ADD3: variants seen among roughly 807,000 people sequenced by gnomAD.
The protein encoded by ADD3 is adducin 3.
ADD3 carries 25 observed loss-of-function variants against 80.2 expected under a neutral mutation model. The observed-to-expected ratio is 0.31, with a 90% CI of 0.23 to 0.44. The LOEUF is 0.44. ADD3 is among the 20% of genes least tolerant of loss of function. The pLI is 1.00. For synonymous variants in ADD3, 284 were observed against 289.6 expected (o/e 0.98, Z 0.20); for missense variants, 829 against 847.5 (o/e 0.98, Z 0.27).
chr10:110,095,139 G>A (rs184827009), intron 1 of ADD3, among the ~76,000 whole-genome samples: 304 of 152,320 alleles, frequency 2.0e-3, no homozygotes, highest in Non-Finnish European at 3.4e-3. Flanking sequence ...CTCGCCCATT[G>A]TGAGGACTAC....
chr10:110,107,244 G>A (rs1849493631), intron 2 of ADD3, among the ~76,000 whole-genome samples: 3 of 152,132 alleles, frequency 2.0e-5, no homozygotes, highest in Admixed American at 2.0e-4. Context: ...ACAGTGAAGT[G>A]TAGAAGAGAA....
At chr10:110,041,780 A>T (rs1257953354) in intron 1 of ADD3, among the ~76,000 whole-genome samples, 1 of 152,232 alleles carries the variant, frequency 6.6e-6, no homozygotes, top group Non-Finnish European at 1.5e-5. Context: ...ACAAGAAGTT[A>T]CTTGCAATAG....
intron 1 of ADD3, among the ~76,000 whole-genome samples, chr10:110,014,166 G>A (rs935689523): frequency 3.9e-5 from 6 of 152,170 alleles, no homozygotes. Context: ...GCCTCCCCAG[G>A]GACTTCTAAG....
At chr10:110,079,459 AGAGT>A (rs1382286080) in intron 1 of ADD3, among the ~76,000 whole-genome samples, 5,188 of 111,536 alleles carry the variant, frequency 0.047, 89 homozygotes, top group East Asian at 0.15. Flanking sequence ...AGAGAGAGAG[AGAGT>A]GTGTGTGTGT....
At chr10:110,036,074 T>C (rs1422686734) in intron 1 of ADD3, among the ~76,000 whole-genome samples, 1 of 151,830 alleles carries the variant, frequency 6.6e-6, no homozygotes, top group African/African-American at 2.4e-5. Context: ...TCGCTTGAAC[T>C]CGGGAGGCGG....
chr10:110,039,822 G>T (rs1011864453), intron 1 of ADD3, among the ~76,000 whole-genome samples: 1 of 152,174 alleles, frequency 6.6e-6, no homozygotes, highest in African/African-American at 2.4e-5. Context: ...GCTCTTGGTT[G>T]TTAGCAATGC....
intron 1 of ADD3, among the ~76,000 whole-genome samples, chr10:110,077,681 CTG>C (rs1304114886): frequency 6.6e-6 from 1 of 152,152 alleles, no homozygotes; most frequent in Non-Finnish European, 1.5e-5. Flanking sequence ...TTCCGTGCTT[CTG>C]TGTTCTTTCT....
intron 1 of ADD3, among the ~76,000 whole-genome samples, chr10:110,015,711 A>C (rs1323945676): frequency 1.3e-5 from 2 of 151,820 alleles, no homozygotes; most frequent in African/African-American, 2.4e-5. Context: ...CATCAAATTT[A>C]TTTTCAGTTA....
chr10:110,000,580 T>C (rs1260918055), intron 1 of ADD3, among the ~76,000 whole-genome samples: 2 of 152,274 alleles, frequency 1.3e-5, no homozygotes, highest in Admixed American at 6.5e-5. Flanking sequence ...ATTTCTGTTA[T>C]GTTTATAAAC....
chr10:110,096,203 A>G (rs1260537211), intron 1 of ADD3, among the ~76,000 whole-genome samples: 1 of 152,196 alleles, frequency 6.6e-6, no homozygotes, highest in Non-Finnish European at 1.5e-5. Context: ...TCAGCATTCT[A>G]CCTAGAAATC....
intron 1 of ADD3, among the ~76,000 whole-genome samples, chr10:110,020,296 T>C (rs1172442341): frequency 6.6e-6 from 1 of 152,162 alleles, no homozygotes; most frequent in Non-Finnish European, 1.5e-5. Context: ...GTTTATATTC[T>C]TGGAAGTCAA....
intron 1 of ADD3, among the ~76,000 whole-genome samples, chr10:110,028,813 T>G (rs937072070): frequency 2.0e-5 from 3 of 152,104 alleles, no homozygotes; most frequent in Non-Finnish European, 2.9e-5. Context: ...CTGAATTTGT[T>G]TCAGTTAAGA....
rs1436016582 is a variant in ADD3, at chr10:110,124,163, G to A, written c.1290G>A (p.Gln430=). 6.2e-7 allele frequency: 1 copy of A among 1,614,190 alleles called. No individual in the cohort carries two copies. The highest frequency in any genetic ancestry group is 1.7e-5 in the Admixed American group (1 of 60,022). Residue 430 remains glutamine, a synonymous_variant, in exon 10 of 15, where the codon CAG becomes CAA. Transcript: ENST00000356080. ...TCTCTCCTCTCAAATACATGGCACA[G>A]AGGCAACAGCGTGAAAAAACAAGAT... ...VPLSPLKYMA[Q]RQQREKTRWL...
At chr10:110,125,787 A>G (rs1371768798) in intron 10 of ADD3, 39 bp from the exon 11 acceptor site, 2 of 1,509,044 alleles carry the variant, frequency 1.3e-6, no homozygotes, top group Non-Finnish European at 1.8e-6. Context: ...ATATTTTCTT[A>G]ACACAAAGCT....
chr10:110,074,789 G>A (rs1252962896), intron 1 of ADD3, among the ~76,000 whole-genome samples: 1 of 152,076 alleles, frequency 6.6e-6, no homozygotes, highest in Non-Finnish European at 1.5e-5. Context: ...GGAGAGAAGG[G>A]GGATAGCATG....
At chr10:110,121,105 C>T (rs1231118471) in intron 8 of ADD3, among the ~76,000 whole-genome samples, 2 of 152,002 alleles carry the variant, frequency 1.3e-5, no homozygotes, top group South Asian at 2.1e-4. Flanking sequence ...GACTTCATGT[C>T]CAAAACACCA....
intron 9 of ADD3, among the ~76,000 whole-genome samples, chr10:110,123,094 A>G (rs1740856641): frequency 6.6e-6 from 1 of 152,240 alleles, no homozygotes; most frequent in Non-Finnish European, 1.5e-5. Context: ...TATGTTGTAT[A>G]TACCACATTT....
intron 12 of ADD3, among the ~76,000 whole-genome samples, chr10:110,129,245 G>A (rs1276624931): frequency 6.6e-6 from 1 of 151,648 alleles, no homozygotes; most frequent in African/African-American, 2.4e-5. Context: ...CGCCTCCCGG[G>A]TTCAAGCCAT....
At chr10:110,128,278 T>C (rs944595813) in intron 12 of ADD3, among the ~76,000 whole-genome samples, 2 of 151,980 alleles carry the variant, frequency 1.3e-5, no homozygotes, top group African/African-American at 4.8e-5. Flanking sequence ...AGTTTGGATG[T>C]TGGGCCTCTT....
Sources: gnomAD v4.1 joint callset for allele counts (sites outside exome capture counted in the v4.1 genomes callset) on GRCh38, gnomAD v4.1.1 for gene constraint, MANE v1.5 for transcripts, NCBI Gene and HGNC (gene_info 2026-07-23, HGNC 2026-07-21) for gene names.